Variants in MLXIP observed in about 807,000 individuals in gnomAD.
MLXIP encodes MLX-interacting protein.
A neutral mutation model predicts 87.2 loss-of-function variants in MLXIP; 30 were observed. The ratio of observed to expected loss-of-function variants is 0.34; its 90% CI spans 0.26 to 0.47. The LOEUF (loss-of-function observed/expected upper bound fraction) is 0.47. Ranked by LOEUF, MLXIP falls within the 20% of genes least tolerant of loss-of-function variation. The probability of loss-of-function intolerance (pLI) is 1.00; values close to 1 mark genes in which losing one functional copy is unlikely to be tolerated. For missense variants in MLXIP, 1,002 were observed against 1,240.1 expected, an observed-to-expected ratio of 0.81 and a Z score of 2.88; for synonymous variants, 530 against 514.0, an observed-to-expected ratio of 1.03 and a Z score of -0.42.
rs1223495389 is a variant in MLXIP at position 122,133,309 on chromosome 12, C to T, written c.1093-39C>T. ...GCAGCGCTAGAAAGGAATTGTCTGACCCCAGCATTGCTTCCTGGCTCCTTT... is the reference window on the plus strand; with the variant it reads ...GCAGCGCTAGAAAGGAATTGTCTGATCCCAGCATTGCTTCCTGGCTCCTTT... On this transcript the variant is annotated intron_variant, in intron 8 of 16. Coordinates refer to ENST00000319080, the MANE Select transcript of MLXIP (RefSeq NM_014938.6). The surrounding 1 kb of genome is among the most constrained non-coding windows in gnomAD (Gnocchi z 4.9). 2 of 1,526,620 alleles carry T rather than the reference C, an allele frequency of 1.3e-6. No homozygotes were observed. Among genetic ancestry groups the T allele is most frequent in the Admixed American group, 2.0e-5 (1 of 49,506 alleles). The allele number at this position is 1,526,620 out of a possible 1,614,324, so 94.6% of individuals were successfully genotyped here.
In MLXIP at chr12:122,146,007, A is replaced by G. The variant is rs1953294561; in HGVS notation, c.*4195A>G. The G allele has an allele frequency of 6.6e-6, 1 of 152,216 alleles. No homozygotes were observed. 9.4% of individuals were successfully genotyped at this position (152,216 alleles called of 1,614,324 possible). A position where few individuals can be genotyped will look rare whatever the true frequency, so the allele number is the denominator to read the frequency against. On this transcript the variant is annotated 3_prime_UTR_variant, in exon 17 of 17. Transcript: ENST00000319080. ...CTCTCTCTTTTCCCTCTGGTGGGAA[A>G]GTGGCCTTTCCCTCAACACCTGCTC...
Position 122,138,830 on chromosome 12 carries a change from G to C in MLXIP, c.2400G>C (p.Leu800=). 6.2e-7 allele frequency: 1 copy of C among 1,613,778 alleles called. No individual in the cohort carries two copies. The highest frequency in any genetic ancestry group is 8.5e-7 in the Non-Finnish European group (1 of 1,179,856). The part of the protein sequence containing the change: ...LNATIISCQQ[L]LPATGVPVTR... ...GTCATTTCAGCTCCTGCCAGCAGCT[G>C]CTCCCTGCCACGGGAGTCCCCGTTA... The change falls in exon 15 of 17, where the codon CTG becomes CTC. Residue 800 remains leucine, a synonymous_variant. Transcript: ENST00000319080.
chr12:122,129,059 C>G (rs916157411), intron 3 of MLXIP, 78 bp from the exon 4 acceptor site: 26 of 1,213,410 alleles, frequency 2.1e-5, no homozygotes, highest in Non-Finnish European at 3.0e-5. Context: ...ATTATAGTGC[C>G]GGATACTCAG....
At chr12:122,140,387 C>T (rs981036403) in intron 15 of MLXIP, among the ~76,000 whole-genome samples, 1 of 152,128 alleles carries the variant, frequency 6.6e-6, no homozygotes, top group African/African-American at 2.4e-5. Context: ...GCCTCCGCCT[C>T]CCGGGTTCAA....
At position 122,130,097 on chromosome 12, in the gene MLXIP, A is replaced by T; in HGVS notation, c.895A>T (p.Asn299Tyr). ...TTCACACCAGCCGGTGGCCTGGCCC[A>T]ATCCCCGGGAAATAGGTAACCCAAA... ...LSSHQPVAWP[N>Y]PREIAHLGNA... The change falls in exon 6 of 17, where the codon AAT (asparagine) becomes TAT (tyrosine). Residue 299 changes from asparagine to tyrosine, a missense_variant. Transcript: ENST00000319080. 1 of 1,613,606 alleles carries T rather than the reference A, an allele frequency of 6.2e-7. No homozygotes were observed. The highest frequency in any genetic ancestry group is 2.2e-5 in the East Asian group (1 of 44,854).
chr12:122,141,180 C>T, intron 16 of MLXIP, 97 bp downstream of exon 16: 1 of 1,462,438 alleles, frequency 6.8e-7, no homozygotes, highest in East Asian at 2.5e-5. Flanking sequence ...CCACTGCAGG[C>T]AGCCAGGTGG....
chr12:122,133,323 C>T lies in MLXIP; in HGVS notation c.1093-25C>T, dbSNP rs201240254. 1.0e-4 allele frequency: 154 copies of T among 1,534,526 alleles called. No homozygotes were observed. In the South Asian group the frequency reaches 1.5e-3, roughly 15 times the overall value. The stretch of plus-strand genomic sequence containing the variant: ...GAATTGTCTGACCCCAGCATTGCTT[C>T]CTGGCTCCTTTCTTCCTTTTTCAGG... On this transcript the variant is annotated intron_variant, in intron 8 of 16. Coordinates refer to ENST00000319080, the MANE Select transcript of MLXIP (RefSeq NM_014938.6). This position sits in a 1 kb window ranked among gnomAD's most constrained non-coding sequence, Gnocchi z 4.9.
chr12:122,118,331 C>A (rs1403703301), intron 1 of MLXIP, among the ~76,000 whole-genome samples: 1 of 152,182 alleles, frequency 6.6e-6, no homozygotes. Context: ...AAGCACAATA[C>A]CGCAGAAAAG....
intron 1 of MLXIP, among the ~76,000 whole-genome samples, chr12:122,092,362 G>A (rs1952258958): frequency 6.6e-6 from 1 of 152,150 alleles, no homozygotes; most frequent in South Asian, 2.1e-4. Context: ...GCCTCCCAAA[G>A]TGCTGGGATT....
chr12:122,097,351 T>TGG (rs758298816), intron 1 of MLXIP, among the ~76,000 whole-genome samples: 2 of 152,128 alleles, frequency 1.3e-5, no homozygotes, highest in Non-Finnish European at 2.9e-5. Context: ...CCAGGTTTGG[T>TGG]GGCTCACGCC....
intron 1 of MLXIP, among the ~76,000 whole-genome samples, chr12:122,121,235 C>G (rs1303173732): frequency 1.3e-5 from 2 of 149,766 alleles, no homozygotes; most frequent in Non-Finnish European, 3.0e-5. Context: ...GTCTTGATCT[C>G]TTGACCTCAT....
chr12:122,101,873 C>T (rs1474652031), intron 1 of MLXIP, among the ~76,000 whole-genome samples: 1 of 152,128 alleles, frequency 6.6e-6, no homozygotes, highest in Non-Finnish European at 1.5e-5. Flanking sequence ...GCCACCGCGC[C>T]CGGCCTTCTC....
At chr12:122,114,703 G>T (rs1471775468) in intron 1 of MLXIP, among the ~76,000 whole-genome samples, 1 of 151,066 alleles carries the variant, frequency 6.6e-6, no homozygotes, top group African/African-American at 2.4e-5. Context: ...GCAGCCCAGG[G>T]CAAAGGCTTG....
chr12:122,127,117 CTGAA>C, intron 1 of MLXIP, 135 bp from the exon 2 acceptor site: 1 of 728,154 alleles, frequency 1.4e-6, no homozygotes, highest in Non-Finnish European at 2.4e-6. Flanking sequence ...CCCCAGTGAC[CTGAA>C]TTCCATGAAG....
chr12:122,129,241 T>C lies in MLXIP; in HGVS notation c.696+15T>C, dbSNP rs751952491. On this transcript the variant is annotated intron_variant, in intron 4 of 16. Coordinates refer to ENST00000319080, the MANE Select transcript of MLXIP (RefSeq NM_014938.6). ...TCAAGAAAAGGGTATCTGGCTGGAG[T>C]GTTCAGGCAGCCCGCCTAGGGAGGG... 3 of 1,594,568 alleles carry C rather than the reference T, an allele frequency of 1.9e-6. No homozygotes were observed. Among genetic ancestry groups the C allele is most frequent in the East Asian group, 4.5e-5 (2 of 44,242 alleles).
At position 122,078,829 on chromosome 12, in the gene MLXIP, G is replaced by C; in HGVS notation, c.-25G>C. 1 of 1,053,338 alleles carries C rather than the reference G, an allele frequency of 9.5e-7. No individual in the cohort carries two copies. Among genetic ancestry groups the C allele is most frequent in the South Asian group, 4.2e-5 (1 of 23,886 alleles). The allele number at this position is 1,053,338 out of a possible 1,614,324, so 65.2% of individuals were successfully genotyped here. On this transcript the variant is annotated 5_prime_UTR_variant, in exon 1 of 17. Coordinates refer to ENST00000319080, the MANE Select transcript of MLXIP (RefSeq NM_014938.6). ...TTGTCGCGTTGCCCCGGGCTCCGGG[G>C]GATGCCCCCGGCCGAGCCCTTCTCA...
At chr12:122,122,614 T>C (rs548838911) in intron 1 of MLXIP, among the ~76,000 whole-genome samples, 2 of 152,110 alleles carry the variant, frequency 1.3e-5, no homozygotes, top group East Asian at 3.9e-4. Flanking sequence ...CGATCTCGGC[T>C]CACTGTACTC....
In MLXIP at chr12:122,137,628, GGA is replaced by G; in HGVS notation, c.2154+42_2154+43del. On this transcript the variant is annotated intron_variant, in intron 12 of 16. Transcript: ENST00000319080. This position sits in a 1 kb window ranked among gnomAD's most constrained non-coding sequence, Gnocchi z 4.1. ...TCCTCTTGGTTCCCTTGGGAGGAGG[GGA>G]GAGGAGTGCAGGACATCAAGGATCT... 1 of 1,606,900 alleles carries G rather than the reference GGA, an allele frequency of 6.2e-7. No individual in the cohort carries two copies. Among genetic ancestry groups the G allele is most frequent in the Non-Finnish European group, 8.5e-7 (1 of 1,176,602 alleles).
At chr12:122,103,779 T>G (rs1952476421) in intron 1 of MLXIP, among the ~76,000 whole-genome samples, 1 of 151,762 alleles carries the variant, frequency 6.6e-6, no homozygotes, top group Non-Finnish European at 1.5e-5. Context: ...TCCTCCCGCC[T>G]TGGCCTCCCA....
Sources: allele counts gnomAD v4.1 joint callset (sites outside exome capture counted in the v4.1 genomes callset), GRCh38; gene constraint gnomAD v4.1.1; non-coding constraint Gnocchi (gnomAD v3.1); transcripts MANE v1.5; gene names NCBI Gene and HGNC (gene_info 2026-07-23, HGNC 2026-07-21).